The following KIF13A variants were observed in gnomAD, a reference collection of about 807,000 sequenced individuals.
The protein encoded by KIF13A is kinesin family member 13A.
In KIF13A, 79 loss-of-function variants were observed where a neutral mutation model predicts 212.2. The ratio of observed to expected loss-of-function variants is 0.37; its 90% CI spans 0.31 to 0.45. KIF13A has a LOEUF of 0.45. Ranked by LOEUF, KIF13A falls within the 20% of genes least tolerant of loss-of-function variation. KIF13A has a pLI of 1.00. For missense variants in KIF13A, 1,901 were observed against 2,209.0 expected (o/e 0.86, Z 2.79); for synonymous variants, 789 against 808.6 (o/e 0.98, Z 0.41).
intron 4 of KIF13A, among the ~76,000 whole-genome samples, chr6:17,867,253 G>A (rs1246871886): frequency 6.6e-6 from 1 of 152,072 alleles, no homozygotes; most frequent in African/African-American, 2.4e-5. Context: ...ATAAAGGTGA[G>A]TCACCAAAAG....
chr6:17,962,732 C>CCT (rs140139218), intron 2 of KIF13A, among the ~76,000 whole-genome samples: 9 of 151,330 alleles, frequency 5.9e-5, no homozygotes, highest in Non-Finnish European at 8.9e-5. Flanking sequence ...TTCCTGTGGT[C>CCT]CTCTCTCTCT....
chr6:17,848,658 C>G (rs900647493), intron 9 of KIF13A, among the ~76,000 whole-genome samples: 5 of 148,828 alleles, frequency 3.4e-5, no homozygotes, highest in African/African-American at 1.2e-4. Flanking sequence ...CTTTACCTCC[C>G]AGATTCAAGT....
Position 17,923,595 on chromosome 6 carries a change from T to C in KIF13A, c.147-25415A>G, listed in dbSNP as rs548943022. 1.7e-4 allele frequency among the ~76,000 whole-genome samples: 26 copies of C among 152,036 alleles called. No homozygotes were observed. In the East Asian group the frequency reaches 5.0e-3, roughly 29 times the overall value. On this transcript the variant is annotated intron_variant, in intron 2 of 38. Transcript: ENST00000259711. ...TTCATGTTTGCGGAAAGATAATATATGGTTATTGGGGTGACCCTCTTCACA... is the reference window on the plus strand; with the variant it reads ...TTCATGTTTGCGGAAAGATAATATACGGTTATTGGGGTGACCCTCTTCACA...
At chr6:17,972,811 C>G (rs1478811799) in intron 2 of KIF13A, among the ~76,000 whole-genome samples, 1 of 141,432 alleles carries the variant, frequency 7.1e-6, no homozygotes, top group African/African-American at 2.7e-5. Context: ...CCTTCCTGTT[C>G]CTTGTCTTTG....
Position 17,833,973 on chromosome 6 carries a change from T to C in KIF13A, c.1254A>G (p.Glu418=), listed in dbSNP as rs1294128023. 1 of 1,571,860 alleles carries C rather than the reference T, an allele frequency of 6.4e-7. No individual in the cohort carries two copies. Among genetic ancestry groups the C allele is most frequent in the Admixed American group, 1.9e-5 (1 of 51,992 alleles). ...ATTATCAAGCTACCTGTGCTATCTC[T>C]TCTGTTTTTCTCAGCTTCTCTTCCC... is the stretch of plus-strand genomic sequence containing the variant. ...VTWEEKLRKT[E]EIAQERQRQL... Residue 418 remains glutamate, a synonymous_variant, in exon 12 of 39, where the codon GAA becomes GAG. Transcript: ENST00000259711.
chr6:17,854,134 G>C (rs1767921789), intron 6 of KIF13A, among the ~76,000 whole-genome samples: 1 of 152,122 alleles, frequency 6.6e-6, no homozygotes, highest in Non-Finnish European at 1.5e-5. Context: ...ATGCACCAAA[G>C]TGTAACAGTG....
chr6:17,771,387 G>A lies in KIF13A; in HGVS notation c.4477-169C>T. 1.8e-6 allele frequency: 1 copy of A among 559,082 alleles called. No homozygotes were observed. Among genetic ancestry groups the A allele is most frequent in the Non-Finnish European group, 3.2e-6 (1 of 314,234 alleles). 34.6% of individuals were successfully genotyped at this position (559,082 alleles called of 1,614,324 possible). On this transcript the variant is annotated intron_variant, in intron 37 of 38. Transcript: ENST00000259711. This position sits in a 1 kb window ranked among gnomAD's most constrained non-coding sequence, Gnocchi z 5.4. Reference sequence around the variant, plus strand: ...TTAAACTACTGGAGAGATATGACAGGAATAAACAGATTCTGTGGCAAAAAG... The same window carrying A: ...TTAAACTACTGGAGAGATATGACAGAAATAAACAGATTCTGTGGCAAAAAG...
chr6:17,890,613 T>C (rs1581649731), intron 3 of KIF13A, among the ~76,000 whole-genome samples: 1 of 149,186 alleles, frequency 6.7e-6, no homozygotes, highest in Non-Finnish European at 1.5e-5. Flanking sequence ...ACAAGCACTT[T>C]CCCCCTTCTC....
At chr6:17,821,789 T>C in intron 16 of KIF13A, 1 of 1,535,348 alleles carries the variant, frequency 6.5e-7, no homozygotes, top group Non-Finnish European at 8.7e-7. Context: ...TAAAAACCTT[T>C]ATCCCAGTGT....
chr6:17,770,894 T>C (rs1759437699), intron 38 of KIF13A: 1 of 569,008 alleles, frequency 1.8e-6, no homozygotes, highest in Non-Finnish European at 2.8e-6. Context: ...TCTCCCTTTT[T>C]CTAAGCAAAC....
chr6:17,841,561 A>G (rs1766509865), intron 9 of KIF13A, among the ~76,000 whole-genome samples: 1 of 152,212 alleles, frequency 6.6e-6, no homozygotes, highest in South Asian at 2.1e-4. Flanking sequence ...CAGCAGCAGC[A>G]GAGGGGTGGA....
intron 18 of KIF13A, among the ~76,000 whole-genome samples, chr6:17,806,992 A>G (rs1763021048): frequency 6.6e-6 from 1 of 152,182 alleles, no homozygotes; most frequent in South Asian, 2.1e-4. Context: ...GTTCCCAAAT[A>G]ATACTTTTAT....
chr6:17,761,222 T>G (rs2150278014), downstream of KIF13A, among the ~76,000 whole-genome samples: 1 of 152,274 alleles, frequency 6.6e-6, no homozygotes, highest in East Asian at 1.9e-4. Context: ...TTAAAACCAA[T>G]GTAGCAGATA....
intron 2 of KIF13A, among the ~76,000 whole-genome samples, chr6:17,913,910 A>G (rs1303135586): frequency 6.6e-6 from 1 of 152,176 alleles, no homozygotes; most frequent in East Asian, 1.9e-4. Context: ...TCAAAGCACA[A>G]GCTGAGGCTC....
chr6:17,807,294 A>G (rs1561998356), intron 18 of KIF13A, among the ~76,000 whole-genome samples: 1 of 152,170 alleles, frequency 6.6e-6, no homozygotes, highest in Non-Finnish European at 1.5e-5. Flanking sequence ...AGTAGGAGAT[A>G]TATTGCTAAA....
At position 17,926,093 on chromosome 6, in the gene KIF13A, T is replaced by A. The variant is rs75964046; in HGVS notation, c.147-27913A>T. Among the ~76,000 whole-genome samples, 2,939 of 152,300 alleles carry A rather than the reference T, an allele frequency of 0.019. 42 individuals are homozygous for A. Among genetic ancestry groups the A allele is most frequent in the Non-Finnish European group, 0.031 (2,088 of 68,030 alleles). On this transcript the variant is annotated intron_variant, in intron 2 of 38. Coordinates refer to ENST00000259711, the MANE Select transcript of KIF13A (RefSeq NM_022113.6). The surrounding 1 kb of genome is among the most constrained non-coding windows in gnomAD (Gnocchi z 4.3). ...AATGAAGATGTCAGAACCAGACATA[T>A]AATTAAAGTAGTCATCATGTCCACG...
At chr6:17,778,369 A>G (rs935152982) in intron 33 of KIF13A, among the ~76,000 whole-genome samples, 3 of 152,060 alleles carry the variant, frequency 2.0e-5, no homozygotes, top group African/African-American at 7.2e-5. Context: ...TGCCAATTAC[A>G]TTCCTCCTAT....
In KIF13A at chr6:17,783,478, A is replaced by G. The variant is rs906965296; in HGVS notation, c.3544+168T>C. On this transcript the variant is annotated intron_variant, in intron 29 of 38. Coordinates refer to ENST00000259711, the MANE Select transcript of KIF13A (RefSeq NM_022113.6). This position sits in a 1 kb window ranked among gnomAD's most constrained non-coding sequence, Gnocchi z 4.3. The stretch of plus-strand genomic sequence containing the variant: ...AATCACCCTATGTGCTCTTTTTTTG[A>G]TTATCCACATATCATGCTTATATAC... Among the ~76,000 whole-genome samples, 1 of 152,116 alleles carries G rather than the reference A, an allele frequency of 6.6e-6. No homozygotes were observed. Among genetic ancestry groups the G allele is most frequent in the African/African-American group, 2.4e-5 (1 of 41,434 alleles).
In KIF13A at chr6:17,777,459, C is replaced by T. The variant is rs1366711670; in HGVS notation, c.4093-105G>A. ...AGTGTAGTGATGCGATCTCTGCTCA[C>T]TGCAACCTCTGCCTCCTGGGTTCAA... On this transcript the variant is annotated intron_variant, in intron 33 of 38. Transcript: ENST00000259711. This position sits in a 1 kb window ranked among gnomAD's most constrained non-coding sequence, Gnocchi z 4.4. 2.1e-5 allele frequency: 19 copies of T among 891,864 alleles called. No homozygotes were observed. Among genetic ancestry groups the T allele is most frequent in the Non-Finnish European group, 1.8e-6 (1 of 557,488 alleles). The allele number at this position is 891,864 out of a possible 1,614,324, so 55.2% of individuals were successfully genotyped here.
Sources: allele counts gnomAD v4.1 joint callset (sites outside exome capture counted in the v4.1 genomes callset), GRCh38; gene constraint gnomAD v4.1.1; non-coding constraint Gnocchi (gnomAD v3.1); transcripts MANE v1.5; gene names NCBI Gene and HGNC (gene_info 2026-07-23, HGNC 2026-07-21).